The following TTC29 variants were observed in gnomAD, a reference collection of about 807,000 sequenced individuals.
TTC29 encodes the protein tetratricopeptide repeat domain 29, also known as tetratricopeptide repeat protein 29.
A neutral mutation model predicts 58.1 loss-of-function variants in TTC29; 49 were observed. The ratio of observed to expected loss-of-function variants is 0.84; its 90% CI spans 0.67 to 1.07. The LOEUF is 1.07. Ranked by LOEUF, TTC29 falls within the 50% of genes least tolerant of loss-of-function variation. TTC29 has a pLI of 0.00. For synonymous variants in TTC29, 209 were observed against 196.8 expected (o/e 1.06, Z -0.52); for missense variants, 582 against 555.6 (o/e 1.05, Z -0.48).
At chr4:146,869,117 A>C (rs971804088) in intron 7 of TTC29, among the ~76,000 whole-genome samples, 5 of 148,490 alleles carry the variant, frequency 3.4e-5, no homozygotes, top group African/African-American at 1.0e-4. Flanking sequence ...AAAAAAAAAA[A>C]AACCTCTTTT....
chr4:146,764,358 G>A (rs571391494), intron 11 of TTC29, among the ~76,000 whole-genome samples: 4 of 151,978 alleles, frequency 2.6e-5, no homozygotes, highest in Admixed American at 6.6e-5. Flanking sequence ...CTACTCGAGA[G>A]AGATGCAGCC....
rs181679060 is a variant in TTC29 at position 146,856,865 on chromosome 4, C to T, written c.885+10633G>A. Among the ~76,000 whole-genome samples, 547 of 151,732 alleles carry T rather than the reference C, an allele frequency of 3.6e-3. 2 individuals are homozygous for T. Among genetic ancestry groups the T allele is most frequent in the Non-Finnish European group, 5.6e-3 (380 of 67,840 alleles). On this transcript the variant is annotated intron_variant, in intron 8 of 12. Transcript: ENST00000325106. ...TGTTAAATTAGTACCATAAAGTTACCTGTTTCAATGTTTCAGGAAGGACAC... is the reference window on the plus strand; with the variant it reads ...TGTTAAATTAGTACCATAAAGTTACTTGTTTCAATGTTTCAGGAAGGACAC...
intron 6 of TTC29, among the ~76,000 whole-genome samples, chr4:146,893,788 A>G (rs1346972243): frequency 4.6e-5 from 7 of 152,348 alleles, no homozygotes; most frequent in Admixed American, 4.6e-4. Context: ...TACTCATCTG[A>G]CAAAGGGCTA....
intron 5 of TTC29, among the ~76,000 whole-genome samples, chr4:146,906,653 GA>G (rs1253129242): frequency 1.3e-5 from 2 of 151,880 alleles, no homozygotes; most frequent in African/African-American, 4.8e-5. Context: ...GTTGAATGTG[GA>G]AAAAAAATTA....
intron 11 of TTC29, among the ~76,000 whole-genome samples, chr4:146,770,555 G>C (rs189908944): frequency 1.5e-4 from 23 of 151,846 alleles, no homozygotes; most frequent in African/African-American, 5.1e-4. Flanking sequence ...ACTGAATTCT[G>C]GTCTTTAGGA....
intron 11 of TTC29, among the ~76,000 whole-genome samples, chr4:146,726,861 T>C (rs1264542099): frequency 1.3e-5 from 2 of 152,128 alleles, no homozygotes; most frequent in African/African-American, 4.8e-5. Flanking sequence ...GTAATTATTC[T>C]CTGTGGATCA....
At chr4:146,888,309 A>C (rs369032016) in intron 6 of TTC29, among the ~76,000 whole-genome samples, 1 of 152,128 alleles carries the variant, frequency 6.6e-6, no homozygotes, top group South Asian at 2.1e-4. Context: ...AGTTAAAGGG[A>C]AGAATGAGAT....
rs201970486 is a variant in TTC29 at position 146,737,833 on chromosome 4, CT to C, written c.1331-30283del. The stretch of plus-strand genomic sequence containing the variant: ...TTCTTTTCCAAATCATCTAAAAAAT[CT>C]TTTTTTTCCCTCCCCCCTGATGCAG... On this transcript the variant is annotated intron_variant, in intron 11 of 12. Coordinates refer to ENST00000325106, the MANE Select transcript of TTC29 (RefSeq NM_031956.4). 4.6e-5 allele frequency among the ~76,000 whole-genome samples: 7 copies of C among 152,054 alleles called. No individual in the cohort carries two copies. The East Asian group carries it at 5.8e-4, about 13-fold the overall frequency.
chr4:146,776,897 G>C (rs1435492563), intron 11 of TTC29, among the ~76,000 whole-genome samples: 3 of 152,224 alleles, frequency 2.0e-5, no homozygotes, highest in Non-Finnish European at 4.4e-5. Flanking sequence ...GTGGGAGTGG[G>C]GTGCTGGATG....
chr4:146,874,798 T>C lies in TTC29; in HGVS notation c.717A>G (p.Leu239=). ...ACESLLRTYR[L]LSDKMLENKE... ...TATTTTCTAGCATTTTGTCTGAGAGTAATCTGTAAGTCCTCAGGAGACTCT... is the reference window on the plus strand; with the variant it reads ...TATTTTCTAGCATTTTGTCTGAGAGCAATCTGTAAGTCCTCAGGAGACTCT... Residue 239 remains leucine, a synonymous_variant, in exon 7 of 13, where the codon TTA becomes TTG. Coordinates refer to ENST00000325106, the MANE Select transcript of TTC29 (RefSeq NM_031956.4). The C allele has an allele frequency of 6.2e-7, 1 of 1,612,472 alleles. No homozygotes were observed. The highest frequency in any genetic ancestry group is 2.2e-5 in the East Asian group (1 of 44,722).
At chr4:146,936,212 T>C (rs1009732101) in intron 4 of TTC29, among the ~76,000 whole-genome samples, 3 of 152,146 alleles carry the variant, frequency 2.0e-5, no homozygotes, top group South Asian at 4.1e-4. Flanking sequence ...AAAAATAATA[T>C]TAAGAGAATA....
intron 5 of TTC29, among the ~76,000 whole-genome samples, chr4:146,905,525 T>C (rs891583735): frequency 2.6e-5 from 4 of 151,922 alleles, no homozygotes; most frequent in Non-Finnish European, 5.9e-5. Context: ...AGGATTGTTT[T>C]CTAGAATATT....
intron 7 of TTC29, among the ~76,000 whole-genome samples, chr4:146,868,139 G>A (rs1394611605): frequency 1.3e-5 from 2 of 152,170 alleles, no homozygotes; most frequent in South Asian, 2.1e-4. Flanking sequence ...AAGAGCTACC[G>A]CATGTTCTCA....
At chr4:146,785,236 A>G (rs983653631) in intron 11 of TTC29, among the ~76,000 whole-genome samples, 1 of 139,070 alleles carries the variant, frequency 7.2e-6, no homozygotes, top group African/African-American at 2.8e-5. Flanking sequence ...CTTGTTGCCC[A>G]GGCTGGAGTG....
At chr4:146,798,657 G>A (rs1221154796) in intron 11 of TTC29, among the ~76,000 whole-genome samples, 2 of 151,814 alleles carry the variant, frequency 1.3e-5, no homozygotes, top group African/African-American at 2.4e-5. Flanking sequence ...TTGGGAGGCC[G>A]AGGCAGGTGG....
intron 8 of TTC29, among the ~76,000 whole-genome samples, chr4:146,858,106 C>G (rs955220287): frequency 6.6e-6 from 1 of 152,172 alleles, no homozygotes; most frequent in East Asian, 1.9e-4. Flanking sequence ...TGGTATCTTA[C>G]AGTTGAGAAC....
chr4:146,800,149 C>A (rs189440909), intron 11 of TTC29, among the ~76,000 whole-genome samples: 1 of 152,318 alleles, frequency 6.6e-6, no homozygotes, highest in Admixed American at 6.5e-5. Context: ...GCACTCAGGT[C>A]TAACCATATC....
In TTC29 at chr4:146,937,690, G is replaced by T; in HGVS notation, c.93-13C>A. The T allele has an allele frequency of 7.1e-7, 1 of 1,417,126 alleles. No individual in the cohort carries two copies. Among genetic ancestry groups the T allele is most frequent in the South Asian group, 1.3e-5 (1 of 75,318 alleles). The allele number at this position is 1,417,126 out of a possible 1,614,324, so 87.8% of individuals were successfully genotyped here. On this transcript the variant is annotated splice_polypyrimidine_tract_variant and intron_variant, in intron 3 of 12. Coordinates refer to ENST00000325106, the MANE Select transcript of TTC29 (RefSeq NM_031956.4). ...GATCAATTGAGACCTAAATGAAATA[G>T]AAAGAAATAATAAAGCACAGCCTTA...
rs145186281 is a variant in TTC29, at chr4:146,925,712, T to A, written c.176+11882A>T. 9.5e-4 allele frequency among the ~76,000 whole-genome samples: 145 copies of A among 152,230 alleles called. 4 individuals are homozygous for A. The East Asian group carries it at 0.022, about 23-fold the overall frequency. ...GCTACTTTGATTATAGGATAAAAAA[T>A]TGTTTCAGACAAGCTTAAGTAAAAT... On this transcript the variant is annotated intron_variant, in intron 4 of 12. Coordinates refer to ENST00000325106, the MANE Select transcript of TTC29 (RefSeq NM_031956.4).
Sources: gnomAD v4.1 joint callset for allele counts (sites outside exome capture counted in the v4.1 genomes callset) on GRCh38, gnomAD v4.1.1 for gene constraint, MANE v1.5 for transcripts, NCBI Gene and HGNC (gene_info 2026-07-23, HGNC 2026-07-21) for gene names.